The following INVS variants were observed in gnomAD, a reference collection of about 807,000 sequenced individuals.
INVS encodes the protein inversion of embryo turning homolog.
In INVS, 86 loss-of-function variants were observed where a neutral mutation model predicts 108.8. The observed-to-expected ratio is 0.79, with a 90% CI of 0.66 to 0.95. The LOEUF is 0.95. Among genes scored for constraint, INVS ranks in the 40% least tolerant of loss-of-function variants. The pLI is 0.00. For synonymous variants in INVS, 455 were observed against 473.5 expected, an observed-to-expected ratio of 0.96 and a Z score of 0.51; for missense variants, 1,169 against 1,297.4, an observed-to-expected ratio of 0.90 and a Z score of 1.52.
chr9:100,286,651 C>G (rs144148839), intron 13 of INVS, among the ~76,000 whole-genome samples: 2 of 152,292 alleles, frequency 1.3e-5, no homozygotes, highest in African/African-American at 2.4e-5. Context: ...GGTACATATT[C>G]ATTCATTTAT....
Position 100,273,088 on chromosome 9 carries a change from C to G in INVS, c.1784+12C>G. The G allele has an allele frequency of 1.2e-6, 2 of 1,610,894 alleles. No individual in the cohort carries two copies. Among genetic ancestry groups the G allele is most frequent in the Non-Finnish European group, 1.7e-6 (2 of 1,177,236 alleles). ...GATGCTGCTGCCAAGTAAGTATGAG[C>G]TACGCAGATTGCGTTTTCGCCACCC... On this transcript the variant is annotated intron_variant, in intron 12 of 16. Coordinates refer to ENST00000262457, the MANE Select transcript of INVS (RefSeq NM_014425.5).
chr9:100,289,132 C>T (rs970169493), intron 13 of INVS, among the ~76,000 whole-genome samples: 1 of 152,194 alleles, frequency 6.6e-6, no homozygotes, highest in South Asian at 2.1e-4. Context: ...AAGCAGTTGA[C>T]ATTTTGTTCT....
intron 3 of INVS, among the ~76,000 whole-genome samples, chr9:100,146,999 C>T (rs1384251848): frequency 2.0e-5 from 3 of 152,178 alleles, no homozygotes; most frequent in African/African-American, 7.2e-5. Flanking sequence ...TTAAAAACTG[C>T]ATGGCATGTA....
chr9:100,151,961 T>TTTATACCAAAC (rs1433357422), intron 3 of INVS, among the ~76,000 whole-genome samples: 1 of 152,218 alleles, frequency 6.6e-6, no homozygotes, highest in Non-Finnish European at 1.5e-5. Context: ...CTAAATCTGC[T>TTTATACCAAAC]TTATACTTAC....
intron 3 of INVS, among the ~76,000 whole-genome samples, chr9:100,162,170 T>A (rs1829212716): frequency 6.6e-6 from 1 of 152,222 alleles, no homozygotes; most frequent in South Asian, 2.1e-4. Flanking sequence ...CTCTAACTGA[T>A]TTCCTTTCCT....
At chr9:100,285,978 T>C (rs1008064627) in intron 13 of INVS, among the ~76,000 whole-genome samples, 1 of 152,220 alleles carries the variant, frequency 6.6e-6, no homozygotes, top group Non-Finnish European at 1.5e-5. Flanking sequence ...GTCTTCGTAT[T>C]ATTATGAAAA....
rs148362862 is a variant in INVS at position 100,285,432 on chromosome 9, T to G, written c.2068+829T>G. Among the ~76,000 whole-genome samples the G allele has an allele frequency of 1.7e-3, 260 of 152,330 alleles. 1 individual carries two copies. The highest frequency in any genetic ancestry group is 3.3e-3 in the Admixed American group (50 of 15,294). ...ATGGCTTTTTGCAGTTTATCCTATT[T>G]AGAGTTTACTTGTGTGTCAGGGATC... is the stretch of plus-strand genomic sequence containing the variant. On this transcript the variant is annotated intron_variant, in intron 13 of 16. Transcript: ENST00000262457.
intron 8 of INVS, among the ~76,000 whole-genome samples, chr9:100,249,161 A>G (rs1938689708): frequency 6.6e-6 from 1 of 152,166 alleles, no homozygotes. Context: ...CCTAACATAT[A>G]AAGCAAGTAA....
At chr9:100,149,855 T>C (rs1828753466) in intron 3 of INVS, among the ~76,000 whole-genome samples, 2 of 152,206 alleles carry the variant, frequency 1.3e-5, no homozygotes, top group African/African-American at 4.8e-5. Flanking sequence ...GTATATTATG[T>C]GTTTTCTGTA....
chr9:100,128,383 G>C (rs924802488), intron 3 of INVS, among the ~76,000 whole-genome samples: 2 of 152,070 alleles, frequency 1.3e-5, no homozygotes, highest in African/African-American at 4.8e-5. Flanking sequence ...ACTCTGTGTT[G>C]CTGTTTGTTT....
intron 3 of INVS, among the ~76,000 whole-genome samples, chr9:100,197,321 C>A (rs1266053749): frequency 6.6e-6 from 1 of 152,108 alleles, no homozygotes; most frequent in African/African-American, 2.4e-5. Flanking sequence ...GCCTACAATC[C>A]CAGCACTTTG....
chr9:100,135,179 G>A (rs1010798263), intron 3 of INVS, among the ~76,000 whole-genome samples: 6 of 152,172 alleles, frequency 3.9e-5, no homozygotes, highest in Non-Finnish European at 8.8e-5. Context: ...TTTAAAAAAT[G>A]ATAAAATGTT....
At chr9:100,109,441 C>T (rs1351459513) in intron 2 of INVS, among the ~76,000 whole-genome samples, 1 of 152,102 alleles carries the variant, frequency 6.6e-6, no homozygotes, top group African/African-American at 2.4e-5. Context: ...GCACTAAATG[C>T]AACAAAGATT....
At chr9:100,239,791 G>A (rs1303078540) in intron 5 of INVS, among the ~76,000 whole-genome samples, 1 of 151,952 alleles carries the variant, frequency 6.6e-6, no homozygotes, top group African/African-American at 2.4e-5. Flanking sequence ...GAGAAACATG[G>A]CAATACCCCA....
chr9:100,180,376 C>G (rs1200992810), intron 3 of INVS, among the ~76,000 whole-genome samples: 1 of 150,750 alleles, frequency 6.6e-6, no homozygotes, highest in Non-Finnish European at 1.5e-5. Context: ...ACAGGTAGAC[C>G]ACCACCCAGA....
intron 3 of INVS, among the ~76,000 whole-genome samples, chr9:100,137,994 C>T (rs1194026286): frequency 6.6e-6 from 1 of 152,078 alleles, no homozygotes; most frequent in African/African-American, 2.4e-5. Context: ...CTTTAAAAGA[C>T]TGAGAGTCAA....
At chr9:100,256,624 C>G (rs982779850) in intron 10 of INVS, among the ~76,000 whole-genome samples, 3 of 152,224 alleles carry the variant, frequency 2.0e-5, no homozygotes, top group East Asian at 1.9e-4. Context: ...TGTCTTTGTT[C>G]TCATTGGTTT....
rs751885413 is a variant in INVS at position 100,252,983 on chromosome 9, T to A, written c.1311T>A (p.Asp437Glu). 6.2e-7 allele frequency: 1 copy of A among 1,614,048 alleles called. No individual in the cohort carries two copies. Among genetic ancestry groups the A allele is most frequent in the Admixed American group, 1.7e-5 (1 of 60,008 alleles). Residue 437 changes from aspartate to glutamate, a missense_variant, in exon 10 of 17, where the codon GAT becomes GAA. Coordinates refer to ENST00000262457, the MANE Select transcript of INVS (RefSeq NM_014425.5). ...GGGCAGCACTGGGAGGAAATGCTGA[T>A]GTTTGCCAGATATTAATAGAAAATA... is the stretch of plus-strand genomic sequence containing the variant. ...LHWAALGGNA[D>E]VCQILIENKI...
At chr9:100,105,703 C>A (rs920355259) in intron 2 of INVS, among the ~76,000 whole-genome samples, 19 of 152,156 alleles carry the variant, frequency 1.2e-4, no homozygotes, top group African/African-American at 4.3e-4. Flanking sequence ...TTACTGATGA[C>A]AAACAATAGT....
Sources: gnomAD v4.1 joint callset for allele counts (sites outside exome capture counted in the v4.1 genomes callset) on GRCh38, gnomAD v4.1.1 for gene constraint, MANE v1.5 for transcripts, NCBI Gene and HGNC (gene_info 2026-07-23, HGNC 2026-07-21) for gene names.